ZNF805: variants seen among roughly 807,000 people sequenced by gnomAD.
ZNF805 encodes the protein CTC-444N24.8.
In ZNF805, 7 loss-of-function variants were observed where a neutral mutation model predicts 13.6. The observed-to-expected ratio is 0.51, with a 90% CI of 0.29 to 0.97. The LOEUF (loss-of-function observed/expected upper bound fraction) is 0.97, where lower values mean the gene tolerates loss of function less well. ZNF805 is among the 50% of genes least tolerant of loss of function. The pLI is 0.08. For missense variants in ZNF805, 604 were observed against 771.0 expected (o/e 0.78, Z 2.57); for synonymous variants, 293 against 279.8 (o/e 1.05, Z -0.47).
At position 57,242,086 on chromosome 19, in the gene ZNF805, A is replaced by G. The variant is rs142379728; in HGVS notation, c.30+1165A>G. 1.5e-3 allele frequency among the ~76,000 whole-genome samples: 235 copies of G among 152,344 alleles called. 6 individuals are homozygous for G. The highest frequency in any genetic ancestry group is 0.013 in the East Asian group (68 of 5,188). ...TTATTTATCATCTCATTTAATCCTG[A>G]TCTCCTTAAAGTGACATTCTATTAT... On this transcript the variant is annotated intron_variant, in intron 1 of 3. Coordinates refer to ENST00000414468, the MANE Select transcript of ZNF805 (RefSeq NM_001023563.4).
Position 57,253,344 on chromosome 19 carries a change from A to G in ZNF805, c.525A>G (p.Arg175=), listed in dbSNP as rs763696125. The change falls in exon 4 of 4, where the codon CGA becomes CGG. Residue 175 remains arginine (R), a synonymous_variant. Transcript: ENST00000414468. This position sits in a 1 kb window ranked among gnomAD's most constrained non-coding sequence, Gnocchi z 4.4. ...TGTGTTCAAGGATTATACAGGATCG[A>G]GTCTCCTTAGGAGATGATGTCCATG... ...DSVCSRIIQD[R]VSLGDDVHDC... 19 of 1,570,772 alleles carry G rather than the reference A, an allele frequency of 1.2e-5. No individual in the cohort carries two copies. Among genetic ancestry groups the G allele is most frequent in the Non-Finnish European group, 1.5e-5 (17 of 1,157,230 alleles).
At chr19:57,245,530 AG>A (rs757154408) in intron 2 of ZNF805, among the ~76,000 whole-genome samples, 29 of 152,066 alleles carry the variant, frequency 1.9e-4, no homozygotes, top group Non-Finnish European at 3.4e-4. Flanking sequence ...CTGTAATCCC[AG>A]CACTTTGGGA....
rs2087719487 is a variant in ZNF805, at chr19:57,260,804, A to T, written c.*6101A>T. ...CCACACCTTTTCTGTATTTGCACTC[A>T]CTGAGCCTATATGCATGTATCATGT... On this transcript the variant is annotated 3_prime_UTR_variant, in exon 4 of 4. Coordinates refer to ENST00000414468, the MANE Select transcript of ZNF805 (RefSeq NM_001023563.4). Among the ~76,000 whole-genome samples, 1 of 152,174 alleles carries T rather than the reference A, an allele frequency of 6.6e-6. No individual in the cohort carries two copies. Among genetic ancestry groups the T allele is most frequent in the Non-Finnish European group, 1.5e-5 (1 of 68,034 alleles).
At chr19:57,250,735 C>T (rs555252856) in intron 3 of ZNF805, among the ~76,000 whole-genome samples, 64 of 152,330 alleles carry the variant, frequency 4.2e-4, no homozygotes, top group Admixed American at 1.2e-3. Context: ...AGCAGGTTTT[C>T]GTGTTGACAG....
intron 3 of ZNF805, among the ~76,000 whole-genome samples, chr19:57,249,987 C>T (rs2087641839): frequency 6.6e-6 from 1 of 152,046 alleles, no homozygotes; most frequent in Non-Finnish European, 1.5e-5. Context: ...ACTTGAAAAT[C>T]TCAAAAGCAC....
At chr19:57,245,080 C>G (rs978839527) in intron 2 of ZNF805, among the ~76,000 whole-genome samples, 3 of 152,098 alleles carry the variant, frequency 2.0e-5, no homozygotes, top group Admixed American at 6.6e-5. Context: ...TCAGGCAGGC[C>G]CCAAGGAGAC....
chr19:57,245,627 A>C (rs1005433802), intron 2 of ZNF805, among the ~76,000 whole-genome samples: 2 of 149,474 alleles, frequency 1.3e-5, no homozygotes, highest in Admixed American at 6.7e-5. Flanking sequence ...AAAATACAAA[A>C]AATTAGCCGG....
In ZNF805 at chr19:57,260,249, C is replaced by T. The variant is rs2087716226; in HGVS notation, c.*5546C>T. On this transcript the variant is annotated 3_prime_UTR_variant, in exon 4 of 4. Transcript: ENST00000414468. ...TCTTTAACTTCTCCTTATTAACCAGCTTCTTTCCCATAATGTATAGCTTTA... is the reference window on the plus strand; with the variant it reads ...TCTTTAACTTCTCCTTATTAACCAGTTTCTTTCCCATAATGTATAGCTTTA... 6.6e-6 allele frequency among the ~76,000 whole-genome samples: 1 copy of T among 151,958 alleles called. No homozygotes were observed. The highest frequency in any genetic ancestry group is 1.5e-5 in the Non-Finnish European group (1 of 68,040).
chr19:57,254,124 C>T lies in ZNF805; in HGVS notation c.1305C>T (p.Ala435=). 1 of 1,613,556 alleles carries T rather than the reference C, an allele frequency of 6.2e-7. No homozygotes were observed. The change falls in exon 4 of 4, where the codon GCC becomes GCT. Residue 435 remains alanine, a synonymous_variant. Coordinates refer to ENST00000414468, the MANE Select transcript of ZNF805 (RefSeq NM_001023563.4). ...KPYVCSECGK[A]FTHCSTFILH... Reference sequence around the variant, plus strand: ...ATGTGTGTAGTGAATGCGGAAAGGCCTTCACCCACTGCTCTACTTTCATCT... The same window carrying T: ...ATGTGTGTAGTGAATGCGGAAAGGCTTTCACCCACTGCTCTACTTTCATCT...
rs1042832426 is a variant in ZNF805 at position 57,260,278 on chromosome 19, G to T, written c.*5575G>T. 6.6e-6 allele frequency among the ~76,000 whole-genome samples: 1 copy of T among 152,064 alleles called. No individual in the cohort carries two copies. The highest frequency in any genetic ancestry group is 1.5e-5 in the Non-Finnish European group (1 of 68,020). ...TTTCCCATAATGTATAGCTTTAGTC[G>T]GATCTCAAGCCTCGTTTCCAACCTA... On this transcript the variant is annotated 3_prime_UTR_variant, in exon 4 of 4. Transcript: ENST00000414468.
chr19:57,253,639 C>A lies in ZNF805; in HGVS notation c.820C>A (p.Leu274Ile), dbSNP rs768522339. 3.1e-6 allele frequency: 5 copies of A among 1,613,672 alleles called. No homozygotes were observed. The highest frequency in any genetic ancestry group is 4.2e-6 in the Non-Finnish European group (5 of 1,179,932). ...CGKAFNRKSH[L>I]TQHQRIHSGE... is the part of the protein sequence containing the mutation. ...GAAGGCTTTTAATCGGAAGTCACAC[C>A]TTACCCAGCACCAGCGGATTCACAG... The change falls in exon 4 of 4, where the codon CTT (leucine) becomes ATT (isoleucine). Residue 274 changes from leucine (L) to isoleucine (I), a missense_variant. Coordinates refer to ENST00000414468, the MANE Select transcript of ZNF805 (RefSeq NM_001023563.4). The surrounding 1 kb of genome is among the most constrained non-coding windows in gnomAD (Gnocchi z 4.4).
intron 2 of ZNF805, among the ~76,000 whole-genome samples, chr19:57,245,684 C>A (rs867780210): frequency 2.0e-5 from 3 of 151,062 alleles, no homozygotes; most frequent in East Asian, 3.9e-4. Flanking sequence ...GAGGCTGAGG[C>A]AGGAGAATGG....
Position 57,257,226 on chromosome 19 carries a change from C to T in ZNF805, c.*2523C>T, listed in dbSNP as rs1047037314. 3.9e-5 allele frequency among the ~76,000 whole-genome samples: 6 copies of T among 152,030 alleles called. No homozygotes were observed. Among genetic ancestry groups the T allele is most frequent in the South Asian group, 2.1e-4 (1 of 4,786 alleles). On this transcript the variant is annotated 3_prime_UTR_variant, in exon 4 of 4. Transcript: ENST00000414468. ...GCTGCTTGAAAAGAATGTGTGTTCT[C>T]GGTCATTTGGTGGAGTTTCTGTAAA...
chr19:57,255,003 T>G lies in ZNF805; in HGVS notation c.*300T>G, dbSNP rs955459430. ...TGTCAGGAAAGTTAGTAAGGGAAGG[T>G]CTGGAAACTTACTCAATGTCTTTGT... On this transcript the variant is annotated 3_prime_UTR_variant, in exon 4 of 4. Coordinates refer to ENST00000414468, the MANE Select transcript of ZNF805 (RefSeq NM_001023563.4). 3.8e-6 allele frequency: 1 copy of G among 266,274 alleles called. No individual in the cohort carries two copies. Among genetic ancestry groups the G allele is most frequent in the African/African-American group, 2.2e-5 (1 of 44,640 alleles). 16.5% of individuals were successfully genotyped at this position (266,274 alleles called of 1,614,324 possible).
In ZNF805 at chr19:57,256,533, A is replaced by G. The variant is rs186294354; in HGVS notation, c.*1830A>G. 4.3e-4 allele frequency among the ~76,000 whole-genome samples: 65 copies of G among 152,152 alleles called. No homozygotes were observed. Among genetic ancestry groups the G allele is most frequent in the African/African-American group, 1.5e-3 (62 of 41,536 alleles). On this transcript the variant is annotated 3_prime_UTR_variant, in exon 4 of 4. Coordinates refer to ENST00000414468, the MANE Select transcript of ZNF805 (RefSeq NM_001023563.4). The stretch of plus-strand genomic sequence containing the variant: ...GGTATAGAACTATTCAGAGTATTTC[A>G]TATTGGATGAATTTTTATAGATTTT...
Position 57,262,333 on chromosome 19 carries a change from T to G in ZNF805, c.*7630T>G, listed in dbSNP as rs2087729349. The stretch of plus-strand genomic sequence containing the variant: ...TTTGAGATGAAGGCTTATATACGTG[T>G]AAACCATTGTAACCAAGAAAAAAAA... On this transcript the variant is annotated 3_prime_UTR_variant, in exon 4 of 4. Transcript: ENST00000414468. 1 of 159,556 alleles carries G rather than the reference T, an allele frequency of 6.3e-6. No individual in the cohort carries two copies. The highest frequency in any genetic ancestry group is 2.2e-4 in the South Asian group (1 of 4,526). 9.9% of individuals were successfully genotyped at this position (159,556 alleles called of 1,614,324 possible). A position where few individuals can be genotyped will look rare whatever the true frequency, so the allele number is the denominator to read the frequency against.
Position 57,240,858 on chromosome 19 carries a change from AG to A in ZNF805, c.-33del, listed in dbSNP as rs1352582259. On this transcript the variant is annotated 5_prime_UTR_variant, in exon 1 of 4. Coordinates refer to ENST00000414468, the MANE Select transcript of ZNF805 (RefSeq NM_001023563.4). Reference sequence around the variant, plus strand: ...CCGCGAGACCCGCCCTGCTCGCCGCAGCCCCCGCCCCGCTAGGGCCACAGGG... The same window carrying A: ...CCGCGAGACCCGCCCTGCTCGCCGCACCCCCGCCCCGCTAGGGCCACAGGG... 1.9e-6 allele frequency: 3 copies of A among 1,545,356 alleles called. No individual in the cohort carries two copies. The highest frequency in any genetic ancestry group is 2.4e-5 in the South Asian group (2 of 83,604).
At position 57,240,751 on chromosome 19, in the gene ZNF805, G is replaced by A; in HGVS notation, c.-141G>A. ...ACCTCCGCGTCTCGGAGCGAACCGT[G>A]AGCCTCCCCGTAACGAGAGAGTTTG... On this transcript the variant is annotated 5_prime_UTR_variant, in exon 1 of 4. Coordinates refer to ENST00000414468, the MANE Select transcript of ZNF805 (RefSeq NM_001023563.4). 1 of 744,168 alleles carries A rather than the reference G, an allele frequency of 1.3e-6. No individual in the cohort carries two copies. The highest frequency in any genetic ancestry group is 2.1e-6 in the Non-Finnish European group (1 of 474,628). 46.1% of individuals were successfully genotyped at this position (744,168 alleles called of 1,614,324 possible). A position where few individuals can be genotyped will look rare whatever the true frequency, so the allele number is the denominator to read the frequency against.
chr19:57,262,361 AAAGTC>A lies in ZNF805; in HGVS notation c.*7660_*7664del. 6.0e-6 allele frequency: 1 copy of A among 166,936 alleles called. No individual in the cohort carries two copies. The allele number at this position is 166,936 out of a possible 1,614,324, so 10.3% of individuals were successfully genotyped here. ...ACCATTGTAACCAAGAAAAAAAAAAAAAGTCAGAGTCACAGTGAAAATACTTAACA... is the reference window on the plus strand; with the variant it reads ...ACCATTGTAACCAAGAAAAAAAAAAAAGAGTCACAGTGAAAATACTTAACA... On this transcript the variant is annotated 3_prime_UTR_variant, in exon 4 of 4. Transcript: ENST00000414468.
Sources: allele counts gnomAD v4.1 joint callset (sites outside exome capture counted in the v4.1 genomes callset), GRCh38; gene constraint gnomAD v4.1.1; non-coding constraint Gnocchi (gnomAD v3.1); transcripts MANE v1.5; gene names NCBI Gene and HGNC (gene_info 2026-07-23, HGNC 2026-07-21).